The following IL1R2 variants were observed in gnomAD, a reference collection of about 807,000 sequenced individuals.
IL1R2 encodes the protein interleukin-1 receptor type 2.
A neutral mutation model predicts 39.5 loss-of-function variants in IL1R2; 46 were observed. That is an observed-to-expected ratio of 1.16 (90% CI 0.92 to 1.49). The LOEUF (loss-of-function observed/expected upper bound fraction) is 1.49. Among genes scored for constraint, IL1R2 ranks in the 40% most tolerant of loss-of-function variants. The pLI is 0.00. For missense variants in IL1R2, 537 were observed against 502.0 expected (o/e 1.07, Z -0.67); for synonymous variants, 207 against 189.6 (o/e 1.09, Z -0.75).
At chr2:102,005,696 T>G (rs560327566) in intron 1 of IL1R2, among the ~76,000 whole-genome samples, 33 of 152,300 alleles carry the variant, frequency 2.2e-4, no homozygotes, top group African/African-American at 7.5e-4. Context: ...ATCTCATTGA[T>G]CCACATTTTG....
intron 8 of IL1R2, among the ~76,000 whole-genome samples, chr2:102,028,016 G>A (rs532717384): frequency 1.2e-4 from 18 of 152,274 alleles, no homozygotes; most frequent in African/African-American, 4.3e-4. Context: ...AACAGATTTT[G>A]CCCTATCACG....
intron 1 of IL1R2, among the ~76,000 whole-genome samples, chr2:101,992,583 G>C (rs1185437803): frequency 1.9e-5 from 2 of 104,056 alleles, no homozygotes; most frequent in African/African-American, 7.6e-5. Flanking sequence ...AGACAGAGAG[G>C]CAGAGAAACA....
chr2:102,013,972 G>A (rs749769045), intron 3 of IL1R2, among the ~76,000 whole-genome samples: 2 of 152,102 alleles, frequency 1.3e-5, no homozygotes, highest in South Asian at 2.1e-4. Context: ...TGACTATCAC[G>A]CCTTTGCCAT....
Position 102,009,598 on chromosome 2 carries a change from A to G in IL1R2, c.104A>G (p.Tyr35Cys). Residue 35 changes from tyrosine to cysteine, a missense_variant, in exon 3 of 9, where the codon TAC (tyrosine) becomes TGC (cysteine). Tyr to Cys is a radical substitution (Grantham distance 194). Transcript: ENST00000332549. ...AGCTGCCGGTTTCGTGGGAGGCATTACAAGCGGGAGTTCAGGCTGGAAGGG... is the reference window on the plus strand; with the variant it reads ...AGCTGCCGGTTTCGTGGGAGGCATTGCAAGCGGGAGTTCAGGCTGGAAGGG... ...ARSCRFRGRH[Y>C]KREFRLEGEP... The G allele has an allele frequency of 6.2e-7, 1 of 1,614,154 alleles. No individual in the cohort carries two copies. Among genetic ancestry groups the G allele is most frequent in the African/African-American group, 1.3e-5 (1 of 75,050 alleles).
chr2:102,015,505 C>A (rs926503578), intron 3 of IL1R2, among the ~76,000 whole-genome samples: 8 of 152,196 alleles, frequency 5.3e-5, no homozygotes, highest in Admixed American at 5.2e-4. Context: ...TACCACTTAA[C>A]ACTTAACTTA....
At chr2:102,011,324 T>C (rs532966562) in intron 3 of IL1R2, among the ~76,000 whole-genome samples, 2 of 152,368 alleles carry the variant, frequency 1.3e-5, no homozygotes, top group Admixed American at 1.3e-4. Context: ...CTGTTTTCCA[T>C]AGTGGCTGTA....
chr2:102,007,063 C>A (rs962625318), intron 1 of IL1R2, among the ~76,000 whole-genome samples: 1 of 152,178 alleles, frequency 6.6e-6, no homozygotes, highest in African/African-American at 2.4e-5. Context: ...CCATCTTGCC[C>A]ACAGACTTGT....
rs3218889 is a variant in IL1R2 at position 102,014,374 on chromosome 2, A to G, written c.333-1497A>G. Among the ~76,000 whole-genome samples the G allele has an allele frequency of 8.8e-3, 1,333 of 152,218 alleles. 22 individuals are homozygous for G. Among genetic ancestry groups the G allele is most frequent in the African/African-American group, 0.03 (1,263 of 41,508 alleles). ...ACAGCACAGGGTCTGGCCTGCATCT[A>G]CTCGCTGCTGGCTACCTGCTGTGTG... On this transcript the variant is annotated intron_variant, in intron 3 of 8. Transcript: ENST00000332549.
chr2:102,008,721 T>C, intron 2 of IL1R2, 79 bp downstream of exon 2: 1 of 1,296,236 alleles, frequency 7.7e-7, no homozygotes, highest in South Asian at 1.2e-5. Context: ...AGAAGTTTCC[T>C]TGTCAGAAAG....
At chr2:102,028,180 A>T in intron 8 of IL1R2, 46 bp from the exon 9 acceptor site, 1 of 1,507,290 alleles carries the variant, frequency 6.6e-7, no homozygotes. Context: ...CCTCTTGTAC[A>T]GTGAGAGACT....
At position 102,019,726 on chromosome 2, in the gene IL1R2, A is replaced by G. The variant is rs1677240348; in HGVS notation, c.602A>G (p.Asp201Gly). 6.2e-7 allele frequency: 1 copy of G among 1,613,988 alleles called. No individual in the cohort carries two copies. Among genetic ancestry groups the G allele is most frequent in the Non-Finnish European group, 8.5e-7 (1 of 1,179,940 alleles). ...HLLVHDVALE[D>G]AGYYRCVLTF... is the part of the protein sequence containing the mutation. ...CTCGTACACGATGTGGCCCTGGAAGATGCTGGCTATTACCGCTGTGTCCTG... is the reference window on the plus strand; with the variant it reads ...CTCGTACACGATGTGGCCCTGGAAGGTGCTGGCTATTACCGCTGTGTCCTG... The change falls in exon 5 of 9, where the codon GAT (aspartate) becomes GGT (glycine). Residue 201 changes from aspartate (D) to glycine (G), a missense_variant. Transcript: ENST00000332549.
intron 1 of IL1R2, among the ~76,000 whole-genome samples, chr2:102,003,846 T>TCTGTGG (rs1559413996): frequency 1.3e-5 from 2 of 150,996 alleles, no homozygotes; most frequent in Admixed American, 6.6e-5. Flanking sequence ...TGTGTCTGTG[T>TCTGTGG]CTGTGGCTGT....
intron 4 of IL1R2, among the ~76,000 whole-genome samples, chr2:102,019,111 A>G (rs2236923): frequency 0.16 from 24,355 of 152,176 alleles, 2,290 homozygotes; most frequent in East Asian, 0.28. Context: ...CAGAGACCCC[A>G]GAGAACCTTG....
chr2:102,003,313 G>A (rs1398990185), intron 1 of IL1R2, among the ~76,000 whole-genome samples: 4 of 129,340 alleles, frequency 3.1e-5, no homozygotes, highest in Non-Finnish European at 6.6e-5. Context: ...CCCTGTCTGT[G>A]TCCCATGTCT....
At chr2:101,999,434 C>G (rs1047375361) in intron 1 of IL1R2, among the ~76,000 whole-genome samples, 3 of 152,200 alleles carry the variant, frequency 2.0e-5, no homozygotes, top group African/African-American at 7.2e-5. Flanking sequence ...CTCAGAAGTC[C>G]CGAGTTGTGG....
intron 5 of IL1R2, among the ~76,000 whole-genome samples, chr2:102,021,251 C>T (rs1677370585): frequency 6.6e-6 from 1 of 151,596 alleles, no homozygotes; most frequent in Non-Finnish European, 1.5e-5. Flanking sequence ...CCTCACCCCC[C>T]AGGTGTCCTT....
intron 1 of IL1R2, among the ~76,000 whole-genome samples, chr2:102,006,681 C>G (rs1404738952): frequency 6.6e-6 from 1 of 152,226 alleles, no homozygotes; most frequent in African/African-American, 2.4e-5. Context: ...CCGGTATGTT[C>G]TAGTGTGTGG....
intron 1 of IL1R2, among the ~76,000 whole-genome samples, chr2:102,008,172 C>T (rs920220639): frequency 5.9e-5 from 9 of 152,124 alleles, no homozygotes; most frequent in South Asian, 2.1e-4. Flanking sequence ...AAGTGAAGTC[C>T]GAGCAGAAAG....
chr2:102,028,253 T>C lies in IL1R2; in HGVS notation c.1058T>C (p.Val353Ala). 3.1e-6 allele frequency: 5 copies of C among 1,612,100 alleles called. No homozygotes were observed. The East Asian group carries it at 1.1e-4, about 36-fold the overall frequency. Residue 353 changes from valine (V) to alanine (A), a missense_variant, in exon 9 of 9, where the codon GTG (valine) becomes GCG (alanine). By Grantham distance (64) the Val-to-Ala change is moderately conservative. Coordinates refer to ENST00000332549, the MANE Select transcript of IL1R2 (RefSeq NM_004633.4). Reference protein sequence around the residue: ...EASSTFSWGIVLAPLSLAFLV... With the variant: ...EASSTFSWGIALAPLSLAFLV... Reference sequence around the variant, plus strand: ...TCCTCCACGTTCTCCTGGGGCATTGTGCTGGCCCCACTTTCACTGGCCTTC... The same window carrying C: ...TCCTCCACGTTCTCCTGGGGCATTGCGCTGGCCCCACTTTCACTGGCCTTC...
Sources: allele counts gnomAD v4.1 joint callset (sites outside exome capture counted in the v4.1 genomes callset), GRCh38; gene constraint gnomAD v4.1.1; transcripts MANE v1.5; gene names NCBI Gene and HGNC (gene_info 2026-07-23, HGNC 2026-07-21).